ZNF236: variants seen among roughly 807,000 people sequenced by gnomAD.
ZNF236 encodes zinc finger protein 236, also known as regulated by glucose.
Under a neutral mutation model 191.2 loss-of-function variants are expected in ZNF236, and 50 were observed. That is an observed-to-expected ratio of 0.26 (90% CI 0.21 to 0.33). The LOEUF (loss-of-function observed/expected upper bound fraction) is 0.33. ZNF236 is among the 10% of genes least tolerant of loss of function. The probability of loss-of-function intolerance (pLI) is 1.00; values close to 1 mark genes in which losing one functional copy is unlikely to be tolerated. For missense variants in ZNF236, 1,754 were observed against 2,374.5 expected (o/e 0.74, Z 5.43); for synonymous variants, 907 against 928.8 (o/e 0.98, Z 0.43).
At chr18:76,957,892 C>T (rs74695857) in intron 28 of ZNF236, among the ~76,000 whole-genome samples, 4,802 of 152,324 alleles carry the variant, frequency 0.032, 249 homozygotes, top group African/African-American at 0.11. Flanking sequence ...ATGACGAAGA[C>T]GCCAAAAGCA....
rs1248490606 is a variant in ZNF236, at chr18:76,972,376, A to C, written c.*4037A>C. ...TTGGTGGCTGGCCCTCTCCGAACGG[A>C]TTCCCCTCCTCAGACCCCCATGCAC... On this transcript the variant is annotated 3_prime_UTR_variant, in exon 31 of 31. Transcript: ENST00000320610. Among the ~76,000 whole-genome samples, 5 of 152,014 alleles carry C rather than the reference A, an allele frequency of 3.3e-5. No individual in the cohort carries two copies. The highest frequency in any genetic ancestry group is 1.2e-4 in the African/African-American group (5 of 41,426).
chr18:76,927,601 A>T lies in ZNF236; in HGVS notation c.4414+84A>T. 2 of 1,499,638 alleles carry T rather than the reference A, an allele frequency of 1.3e-6. No individual in the cohort carries two copies. The highest frequency in any genetic ancestry group is 1.8e-6 in the Non-Finnish European group (2 of 1,120,182). The allele number at this position is 1,499,638 out of a possible 1,614,324, so 92.9% of individuals were successfully genotyped here. On this transcript the variant is annotated intron_variant, in intron 24 of 30. Transcript: ENST00000320610. The surrounding 1 kb of genome is among the most constrained non-coding windows in gnomAD (Gnocchi z 5.4). Reference sequence around the variant, plus strand: ...ATTACATATTTGAATTTAGGATGTTATGATGTCATTTTCTTCTCTTTGTAG... The same window carrying T: ...ATTACATATTTGAATTTAGGATGTTTTGATGTCATTTTCTTCTCTTTGTAG...
chr18:76,964,900 T>C (rs935855895), intron 30 of ZNF236, among the ~76,000 whole-genome samples: 1 of 152,210 alleles, frequency 6.6e-6, no homozygotes, highest in African/African-American at 2.4e-5. Context: ...AGGTGTTCTT[T>C]GTGCTTCTTG....
chr18:76,906,947 G>A (rs569746933), intron 13 of ZNF236, among the ~76,000 whole-genome samples: 1 of 152,322 alleles, frequency 6.6e-6, no homozygotes, highest in South Asian at 2.1e-4. Flanking sequence ...GAAGGTTACT[G>A]TAGTAAAATT....
chr18:76,855,802 G>A (rs1386774436), intron 3 of ZNF236, among the ~76,000 whole-genome samples: 1 of 152,088 alleles, frequency 6.6e-6, no homozygotes, highest in Admixed American at 6.6e-5. Context: ...GGATGCTGCC[G>A]AACACCCTGC....
intron 11 of ZNF236, among the ~76,000 whole-genome samples, chr18:76,904,061 G>A (rs896149898): frequency 1.6e-4 from 24 of 150,666 alleles, no homozygotes; most frequent in African/African-American, 3.4e-4. Flanking sequence ...GAAATTGGCC[G>A]TGGAATCAAG....
At chr18:76,953,663 T>G (rs1968460449) in intron 27 of ZNF236, among the ~76,000 whole-genome samples, 1 of 152,178 alleles carries the variant, frequency 6.6e-6, no homozygotes, top group Admixed American at 6.5e-5. Flanking sequence ...TGGGAACTTT[T>G]TAGTAAGGGG....
At chr18:76,926,772 A>G (rs199845815) in intron 22 of ZNF236, among the ~76,000 whole-genome samples, 1 of 146,742 alleles carries the variant, frequency 6.8e-6, no homozygotes, top group African/African-American at 2.5e-5. Flanking sequence ...GTGTGTGTGT[A>G]TGGTATAAAG....
intron 1 of ZNF236, among the ~76,000 whole-genome samples, chr18:76,832,653 G>A (rs981015257): frequency 6.6e-6 from 1 of 151,478 alleles, no homozygotes; most frequent in South Asian, 2.1e-4. Flanking sequence ...TATCTGGTAT[G>A]GGAAATATAA....
chr18:76,942,994 GCAC>G (rs1374147820), intron 26 of ZNF236, among the ~76,000 whole-genome samples: 3 of 150,350 alleles, frequency 2.0e-5, no homozygotes, highest in Admixed American at 6.6e-5. Context: ...GTGGTGGCGG[GCAC>G]CTGTGGTCCC....
intron 26 of ZNF236, among the ~76,000 whole-genome samples, chr18:76,941,377 C>T (rs140907077): frequency 8.7e-4 from 133 of 152,314 alleles, no homozygotes; most frequent in African/African-American, 3.0e-3. Flanking sequence ...GGGTCCTCAG[C>T]GCCTCAGGAC....
At position 76,935,873 on chromosome 18, in the gene ZNF236, G is replaced by A. The variant is rs147930533; in HGVS notation, c.4595-1283G>A. 44 of 435,076 alleles carry A rather than the reference G, an allele frequency of 1.0e-4. No individual in the cohort carries two copies. The East Asian group carries it at 1.6e-3, about 16-fold the overall frequency. 27.0% of individuals were successfully genotyped at this position (435,076 alleles called of 1,614,324 possible). ...TCGGGCTCCCACCAGCACTCTGTGC[G>A]GATGCTGGAGCAGGCGGGAGGGTCT... On this transcript the variant is annotated intron_variant, in intron 25 of 30. Coordinates refer to ENST00000320610, the MANE Select transcript of ZNF236 (RefSeq NM_001306089.2).
intron 19 of ZNF236, among the ~76,000 whole-genome samples, chr18:76,916,426 G>A (rs1967365926): frequency 6.6e-6 from 1 of 152,128 alleles, no homozygotes; most frequent in Non-Finnish European, 1.5e-5. Flanking sequence ...TTGCCATTAC[G>A]TTGTCTCATG....
chr18:76,843,991 G>A (rs1975601078), intron 1 of ZNF236, among the ~76,000 whole-genome samples: 1 of 151,810 alleles, frequency 6.6e-6, no homozygotes, highest in South Asian at 2.1e-4. Flanking sequence ...AGTGTCTCAC[G>A]CCTGTAATCC....
At chr18:76,889,815 AC>A (rs1237270357) in intron 9 of ZNF236, among the ~76,000 whole-genome samples, 1 of 152,192 alleles carries the variant, frequency 6.6e-6, no homozygotes, top group South Asian at 2.1e-4. Flanking sequence ...AGGGAAGCGC[AC>A]CACTACTGTC....
intron 27 of ZNF236, among the ~76,000 whole-genome samples, chr18:76,947,872 A>G (rs1195687269): frequency 1.3e-5 from 2 of 152,092 alleles, no homozygotes; most frequent in African/African-American, 2.4e-5. Flanking sequence ...TTTGTTTCCT[A>G]GGGAGTGAGG....
intron 1 of ZNF236, among the ~76,000 whole-genome samples, chr18:76,823,693 C>G (rs1349983437): frequency 6.6e-6 from 1 of 152,242 alleles, no homozygotes; most frequent in South Asian, 2.1e-4. Context: ...ACCCCCAGAC[C>G]CTGGCCCTTC....
chr18:76,847,089 G>A (rs1403118475), intron 1 of ZNF236, among the ~76,000 whole-genome samples: 2 of 151,266 alleles, frequency 1.3e-5, no homozygotes, highest in East Asian at 1.9e-4. Context: ...CACTGTGCCC[G>A]GCCTCGACAT....
intron 9 of ZNF236, chr18:76,885,472 GAC>G (rs1977023897): frequency 6.5e-6 from 1 of 154,340 alleles, no homozygotes; most frequent in East Asian, 1.9e-4. Flanking sequence ...GCTCCTGTGA[GAC>G]AGTAACCAGC....
Sources: gnomAD v4.1 joint callset for allele counts (sites outside exome capture counted in the v4.1 genomes callset) on GRCh38, gnomAD v4.1.1 for gene constraint, Gnocchi (gnomAD v3.1) non-coding constraint, MANE v1.5 for transcripts, NCBI Gene and HGNC (gene_info 2026-07-23, HGNC 2026-07-21) for gene names.